PPARGC1A: variants seen among roughly 807,000 people sequenced by gnomAD.
PPARGC1A encodes PPARG coactivator 1 alpha.
In PPARGC1A, 25 loss-of-function variants were observed where a neutral mutation model predicts 88.7. The ratio of observed to expected loss-of-function variants is 0.28; its 90% confidence interval spans 0.21 to 0.39. PPARGC1A has a LOEUF of 0.39. PPARGC1A is among the 10% of genes least tolerant of loss of function. The probability of loss-of-function intolerance (pLI) is 1.00; values close to 1 mark genes in which losing one functional copy is unlikely to be tolerated. For missense variants in PPARGC1A, 880 were observed against 968.7 expected (o/e 0.91, Z 1.22); for synonymous variants, 363 against 355.6 (o/e 1.02, Z -0.24).
At chr4:24,225,352 G>A in the PPARGC1A span, among the ~76,000 whole-genome samples, 11 of 152,122 alleles carry the variant, frequency 7.2e-5, no homozygotes, top group African/African-American at 1.4e-4. Context: ...GGCAGATCAC[G>A]AGGTCAGGAA....
the PPARGC1A span, among the ~76,000 whole-genome samples, chr4:24,429,747 G>T: frequency 6.6e-6 from 1 of 150,766 alleles, no homozygotes; most frequent in Non-Finnish European, 1.5e-5. Flanking sequence ...TGCATCCCAG[G>T]TTCAAGTGAT....
At chr4:24,471,061 G>C in the PPARGC1A span, among the ~76,000 whole-genome samples, 1 of 151,356 alleles carries the variant, frequency 6.6e-6, no homozygotes. This position sits in a 1 kb window ranked among gnomAD's most constrained non-coding sequence, Gnocchi z 5.4. Context: ...GGGCAGCCCC[G>C]CAAGCGGCCG....
At chr4:23,999,329 A>G in the PPARGC1A span, among the ~76,000 whole-genome samples, 1 of 152,238 alleles carries the variant, frequency 6.6e-6, no homozygotes, top group Non-Finnish European at 1.5e-5. Context: ...TAACTGAAGT[A>G]GTGAAGCTGA....
the PPARGC1A span, among the ~76,000 whole-genome samples, chr4:24,082,837 A>G: frequency 6.6e-6 from 1 of 152,184 alleles, no homozygotes; most frequent in African/African-American, 2.4e-5. Flanking sequence ...CATCAGAACA[A>G]TCAGCCATGA....
the PPARGC1A span, among the ~76,000 whole-genome samples, chr4:24,192,466 A>G: frequency 1.3e-5 from 2 of 152,248 alleles, no homozygotes; most frequent in Non-Finnish European, 2.9e-5. Flanking sequence ...CCAACTGAAC[A>G]TTATTCCTTT....
At chr4:24,346,807 G>T in the PPARGC1A span, among the ~76,000 whole-genome samples, 1 of 151,838 alleles carries the variant, frequency 6.6e-6, no homozygotes, top group African/African-American at 2.4e-5. Context: ...CCTTTCTTCT[G>T]CTGGGTTTGG....
At chr4:23,844,370 T>C (rs1203363098) in intron 2 of PPARGC1A, among the ~76,000 whole-genome samples, 1 of 135,566 alleles carries the variant, frequency 7.4e-6, no homozygotes, top group Non-Finnish European at 1.5e-5. Context: ...TATAATATAT[T>C]ATAGATTATA....
the PPARGC1A span, among the ~76,000 whole-genome samples, chr4:24,326,665 C>A: frequency 6.6e-6 from 1 of 152,210 alleles, no homozygotes; most frequent in Admixed American, 6.5e-5. Flanking sequence ...TAAAAACACA[C>A]GTGCTCTCCC....
At chr4:24,116,354 A>T in the PPARGC1A span, among the ~76,000 whole-genome samples, 1 of 152,176 alleles carries the variant, frequency 6.6e-6, no homozygotes, top group Non-Finnish European at 1.5e-5. Context: ...CCATATCAAC[A>T]TCTATTTATA....
the PPARGC1A span, among the ~76,000 whole-genome samples, chr4:24,102,198 G>A: frequency 6.6e-6 from 1 of 152,206 alleles, no homozygotes; most frequent in African/African-American, 2.4e-5. Context: ...GAGTATCATG[G>A]TGGTATTTAA....
chr4:24,469,499 C>T, the PPARGC1A span, among the ~76,000 whole-genome samples: 23 of 152,178 alleles, frequency 1.5e-4, no homozygotes, highest in African/African-American at 5.6e-4. Context: ...TGTTTCTGTA[C>T]TTTATCTTAA....
the PPARGC1A span, among the ~76,000 whole-genome samples, chr4:24,406,585 T>C: frequency 6.6e-6 from 1 of 152,212 alleles, no homozygotes; most frequent in Admixed American, 6.5e-5. Flanking sequence ...TTGGAACTAG[T>C]CATCTCTCCC....
the PPARGC1A span, among the ~76,000 whole-genome samples, chr4:24,417,743 A>G: frequency 6.6e-6 from 1 of 152,334 alleles, no homozygotes; most frequent in Admixed American, 6.5e-5. Flanking sequence ...CATTATATTG[A>G]GTTCAGAAGC....
chr4:24,424,070 CTT>C, the PPARGC1A span, among the ~76,000 whole-genome samples: 9 of 152,062 alleles, frequency 5.9e-5, no homozygotes, highest in Non-Finnish European at 1.2e-4. Context: ...TTGGGGGAAA[CTT>C]TTACTGTATC....
chr4:24,416,995 ACTCCAGCCTAGG>A, the PPARGC1A span, among the ~76,000 whole-genome samples: 2 of 150,200 alleles, frequency 1.3e-5, no homozygotes, highest in African/African-American at 4.9e-5. Flanking sequence ...ACACCATTGC[ACTCCAGCCTAGG>A]CAACAGAGCG....
chr4:24,125,181 G>A, the PPARGC1A span, among the ~76,000 whole-genome samples: 2 of 152,042 alleles, frequency 1.3e-5, no homozygotes, highest in Non-Finnish European at 1.5e-5. Flanking sequence ...TCCAACAATG[G>A]TATTTTATAC....
the PPARGC1A span, among the ~76,000 whole-genome samples, chr4:24,280,190 A>G: frequency 2.0e-5 from 3 of 152,210 alleles, no homozygotes; most frequent in South Asian, 6.2e-4. Context: ...AATTCCACAT[A>G]ATACGGAGAA....
At chr4:23,910,318 A>ATATATAT in the PPARGC1A span, among the ~76,000 whole-genome samples, 2 of 35,872 alleles carry the variant, frequency 5.6e-5, no homozygotes, top group Non-Finnish European at 8.6e-5. Context: ...ATATAATATT[A>ATATATAT]TATATATTAT....
At chr4:23,805,895 C>T (rs142658321) in intron 10 of PPARGC1A, among the ~76,000 whole-genome samples, 122 of 152,174 alleles carry the variant, frequency 8.0e-4, no homozygotes, top group African/African-American at 2.6e-3. Flanking sequence ...GAAGTTAAAG[C>T]GAAAATCGAC....
Sources: allele counts gnomAD v4.1 joint callset (sites outside exome capture counted in the v4.1 genomes callset), GRCh38; gene constraint gnomAD v4.1.1; non-coding constraint Gnocchi (gnomAD v3.1); transcripts MANE v1.5; gene names NCBI Gene and HGNC (gene_info 2026-07-23, HGNC 2026-07-21).